The following MELK variants were observed in gnomAD, a reference collection of about 807,000 sequenced individuals.
MELK encodes pEg3 kinase.
A neutral mutation model predicts 85.0 loss-of-function variants in MELK; 81 were observed. The observed-to-expected ratio is 0.95, with a 90% CI of 0.80 to 1.15. The LOEUF (loss-of-function observed/expected upper bound fraction) is 1.15, where lower values mean the gene tolerates loss of function less well. Ranked by LOEUF, MELK falls within the 50% of genes most tolerant of loss-of-function variation. MELK has a pLI of 0.00. For missense variants in MELK, 754 were observed against 777.5 expected, an observed-to-expected ratio of 0.97 and a Z score of 0.36; for synonymous variants, 252 against 265.0, an observed-to-expected ratio of 0.95 and a Z score of 0.48.
intron 8 of MELK, among the ~76,000 whole-genome samples, chr9:36,627,522 C>A (rs1011881488): frequency 7.3e-6 from 1 of 137,068 alleles, no homozygotes; most frequent in African/African-American, 3.2e-5. Context: ...CTCTCTCTCT[C>A]TCTTTTTTTT....
intron 11 of MELK, among the ~76,000 whole-genome samples, chr9:36,645,128 C>T (rs1168075490): frequency 1.3e-5 from 2 of 151,482 alleles, no homozygotes; most frequent in Non-Finnish European, 2.9e-5. Context: ...CGTGGTGGCA[C>T]GTGCCTGTAA....
chr9:36,615,179 CGGCTGGCCGGGCGGGG>C (rs1181140713), intron 8 of MELK, among the ~76,000 whole-genome samples: 2 of 141,638 alleles, frequency 1.4e-5, no homozygotes, highest in African/African-American at 5.4e-5. Flanking sequence ...CCGGACGGGG[CGGCTGGCCGGGCGGGG>C]GGCTGACCCC....
At chr9:36,615,017 G>C (rs1480957431) in intron 8 of MELK, among the ~76,000 whole-genome samples, 3 of 145,836 alleles carry the variant, frequency 2.1e-5, no homozygotes, top group Non-Finnish European at 3.0e-5. Flanking sequence ...GGGGCGGCCG[G>C]GCAGAGGCGC....
chr9:36,643,308 G>A (rs1449465321), intron 11 of MELK, among the ~76,000 whole-genome samples: 1 of 152,042 alleles, frequency 6.6e-6, no homozygotes, highest in Admixed American at 6.6e-5. Flanking sequence ...ACTTGAACCC[G>A]GGAGGCAGAG....
intron 8 of MELK, among the ~76,000 whole-genome samples, chr9:36,616,274 T>G (rs986711433): frequency 4.6e-5 from 7 of 152,080 alleles, no homozygotes; most frequent in Non-Finnish European, 7.4e-5. Context: ...TAGAACAGTC[T>G]GGATGTCTTT....
At chr9:36,590,000 C>A (rs1823374386) in intron 4 of MELK, among the ~76,000 whole-genome samples, 1 of 149,174 alleles carries the variant, frequency 6.7e-6, no homozygotes, top group Non-Finnish European at 1.5e-5. Context: ...CTGCTCACTG[C>A]ACCCTCCACC....
At chr9:36,580,993 G>A (rs1822180265) in intron 1 of MELK, among the ~76,000 whole-genome samples, 1 of 152,166 alleles carries the variant, frequency 6.6e-6, no homozygotes, top group Non-Finnish European at 1.5e-5. Flanking sequence ...CTCCCAAAGT[G>A]CTGGGATTAC....
chr9:36,581,352 A>C (rs538916135), intron 1 of MELK, among the ~76,000 whole-genome samples: 16 of 151,812 alleles, frequency 1.1e-4, no homozygotes, highest in African/African-American at 3.6e-4. Context: ...TAATATATTA[A>C]TTTTTTTCAT....
At chr9:36,610,726 C>T (rs530840634) in intron 8 of MELK, among the ~76,000 whole-genome samples, 85 of 152,300 alleles carry the variant, frequency 5.6e-4, no homozygotes, top group Non-Finnish European at 9.1e-4. Context: ...CATCAGGATA[C>T]AGGGGAGAGT....
At position 36,594,217 on chromosome 9, in the gene MELK, C is replaced by T. The variant is rs13294336; in HGVS notation, c.262-411C>T. Among the ~76,000 whole-genome samples, 361 of 152,256 alleles carry T rather than the reference C, an allele frequency of 2.4e-3. 2 individuals carry two copies. Among genetic ancestry groups the T allele is most frequent in the Admixed American group, 4.5e-3 (69 of 15,292 alleles). On this transcript the variant is annotated intron_variant, in intron 4 of 17. Transcript: ENST00000298048. ...CTGTAGACCTGGGCTCCTTCTGGTA[C>T]AGATTGAAAACCACTGGTCTTTGGG...
intron 11 of MELK, among the ~76,000 whole-genome samples, chr9:36,649,756 G>C (rs191632879): frequency 6.6e-6 from 1 of 151,858 alleles, no homozygotes; most frequent in Non-Finnish European, 1.5e-5. Context: ...GCGATAGAGC[G>C]AGACTCTATC....
At chr9:36,671,936 A>T (rs1388438039) in intron 16 of MELK, among the ~76,000 whole-genome samples, 1 of 152,168 alleles carries the variant, frequency 6.6e-6, no homozygotes, top group Non-Finnish European at 1.5e-5. Context: ...TTGTTCTGAA[A>T]CACTGGGCTC....
intron 8 of MELK, among the ~76,000 whole-genome samples, chr9:36,623,197 GTCCCCTTGTAGGACAAATCA>G (rs1453775997): frequency 1.3e-5 from 2 of 152,158 alleles, no homozygotes; most frequent in African/African-American, 4.8e-5. Flanking sequence ...ACTACCAGAT[GTCCCCTTGTAGGACAAATCA>G]TCCCCAGTTG....
rs1393986319 is a variant in MELK at position 36,594,695 on chromosome 9, G to A, written c.329G>A (p.Arg110Gln). 1.9e-6 allele frequency: 3 copies of A among 1,614,022 alleles called. No individual in the cohort carries two copies. Among genetic ancestry groups the A allele is most frequent in the East Asian group, 4.5e-5 (2 of 44,866 alleles). ...GATCGCCTGTCAGAAGAGGAGACCC[G>A]GGTTGTCTTCCGTCAGATAGTATCT... ...SQDRLSEEET[R>Q]VVFRQIVSAV... Residue 110 changes from arginine to glutamine, a missense_variant, in exon 5 of 18, where the codon CGG (arginine) becomes CAG (glutamine). By Grantham distance (43) the Arg-to-Gln change is conservative. Transcript: ENST00000298048.
At chr9:36,594,248 G>A (rs981467558) in intron 4 of MELK, among the ~76,000 whole-genome samples, 1 of 152,154 alleles carries the variant, frequency 6.6e-6, no homozygotes, top group Non-Finnish European at 1.5e-5. Context: ...TTGGGATAGA[G>A]AAACAATAAT....
intron 3 of MELK, 95 bp from the exon 4 acceptor site, chr9:36,589,441 C>A: frequency 1.0e-6 from 1 of 1,001,130 alleles, no homozygotes; most frequent in South Asian, 1.4e-5. Context: ...GCCACCGTGC[C>A]CGGCCAGCTA....
chr9:36,615,169 CCGGA>C (rs1447769255), intron 8 of MELK, among the ~76,000 whole-genome samples: 1 of 145,424 alleles, frequency 6.9e-6, no homozygotes, highest in Non-Finnish European at 1.5e-5. Flanking sequence ...CCCTCACCTC[CCGGA>C]CGGGGCGGCT....
At position 36,630,329 on chromosome 9, in the gene MELK, T is replaced by G; in HGVS notation, c.697T>G (p.Ser233Ala). ...AAAATATGATGTTCCCAAGTGGCTC[T>G]CTCCCAGTAGCATTCTGCTTCTTCA... ...RGKYDVPKWL[S>A]PSSILLLQQM... The change falls in exon 9 of 18, where the codon TCT becomes GCT. Residue 233 changes from serine (S) to alanine (A), a missense_variant. Coordinates refer to ENST00000298048, the MANE Select transcript of MELK (RefSeq NM_014791.4). The G allele has an allele frequency of 6.2e-7, 1 of 1,612,566 alleles. No individual in the cohort carries two copies. The highest frequency in any genetic ancestry group is 1.1e-5 in the South Asian group (1 of 91,008).
At chr9:36,636,728 A>ATTTC (rs74181197) in intron 10 of MELK, among the ~76,000 whole-genome samples, 2,246 of 100,856 alleles carry the variant, frequency 0.022, 71 homozygotes, top group East Asian at 0.093. Context: ...TAGCAACTGG[A>ATTTC]TTTCTTTCTT....
Sources: gnomAD v4.1 joint callset for allele counts (sites outside exome capture counted in the v4.1 genomes callset) on GRCh38, gnomAD v4.1.1 for gene constraint, MANE v1.5 for transcripts, NCBI Gene and HGNC (gene_info 2026-07-23, HGNC 2026-07-21) for gene names.